ATP6V1E1: variants seen among roughly 807,000 people sequenced by gnomAD.
ATP6V1E1 encodes the protein V-type proton ATPase subunit E 1.
Under a neutral mutation model 35.2 loss-of-function variants are expected in ATP6V1E1, and 21 were observed. The observed-to-expected ratio is 0.60, with a 90% CI of 0.42 to 0.86. ATP6V1E1 has a LOEUF of 0.86. Among genes scored for constraint, ATP6V1E1 ranks in the 40% least tolerant of loss-of-function variants. The pLI is 0.00. For synonymous variants in ATP6V1E1, 83 were observed against 87.8 expected (o/e 0.95, Z 0.30); for missense variants, 183 against 272.6 (o/e 0.67, Z 2.32).
At chr22:17,628,488 G>A (rs2057937029) in intron 1 of ATP6V1E1, 115 bp downstream of exon 1, 2 of 1,418,632 alleles carry the variant, frequency 1.4e-6, no homozygotes, top group African/African-American at 1.4e-5. Context: ...CTTGGAGCAA[G>A]GGACCTTCCT....
chr22:17,606,029 G>A (rs4819611), intron 4 of ATP6V1E1, among the ~76,000 whole-genome samples: 52,716 of 151,744 alleles, frequency 0.35, 9,491 homozygotes, highest in African/African-American at 0.41. Flanking sequence ...TGCCTACTGA[G>A]CAGCTGGGAA....
intron 4 of ATP6V1E1, among the ~76,000 whole-genome samples, chr22:17,607,285 G>A (rs2057791691): frequency 6.6e-6 from 1 of 152,008 alleles, no homozygotes; most frequent in Non-Finnish European, 1.5e-5. Flanking sequence ...AGCCTCCCAA[G>A]TAGCTGGGAT....
chr22:17,619,615 G>A, intron 1 of ATP6V1E1, 89 bp from the exon 2 acceptor site: 2 of 1,159,934 alleles, frequency 1.7e-6, no homozygotes, highest in South Asian at 1.5e-5. Flanking sequence ...GGTAGGTGCA[G>A]TGGCTCACGC....
At chr22:17,621,732 C>A (rs1402231933) in intron 1 of ATP6V1E1, among the ~76,000 whole-genome samples, 1 of 152,220 alleles carries the variant, frequency 6.6e-6, no homozygotes, top group East Asian at 1.9e-4. Flanking sequence ...AGATTTCAAA[C>A]ATGCTGTTCC....
At chr22:17,598,107 G>A (rs986633153) in intron 7 of ATP6V1E1, 87 bp downstream of exon 7, 4 of 1,050,690 alleles carry the variant, frequency 3.8e-6, no homozygotes, top group African/African-American at 1.6e-5. Context: ...CGTTTAAATG[G>A]TGAAAATACC....
In ATP6V1E1 at chr22:17,592,615, T is replaced by C; in HGVS notation, c.*59A>G. The C allele has an allele frequency of 6.5e-7, 1 of 1,532,960 alleles. No individual in the cohort carries two copies. Among genetic ancestry groups the C allele is most frequent in the Non-Finnish European group, 9.0e-7 (1 of 1,106,584 alleles). The allele number at this position is 1,532,960 out of a possible 1,614,324, so 95.0% of individuals were successfully genotyped here. A position where few individuals can be genotyped will look rare whatever the true frequency, so the allele number is the denominator to read the frequency against. Reference sequence around the variant, plus strand: ...ACAGAGACATTCGTGTTTCTTCAAATATCAGAAGCTTCCACATCACAGCAG... The same window carrying C: ...ACAGAGACATTCGTGTTTCTTCAAACATCAGAAGCTTCCACATCACAGCAG... On this transcript the variant is annotated 3_prime_UTR_variant, in exon 9 of 9. Transcript: ENST00000253413.
At chr22:17,602,467 C>T (rs1445794756) in intron 4 of ATP6V1E1, among the ~76,000 whole-genome samples, 1 of 152,044 alleles carries the variant, frequency 6.6e-6, no homozygotes, top group Non-Finnish European at 1.5e-5. Context: ...CTCTGCCTCC[C>T]GGGTTCAAGC....
At chr22:17,598,618 G>T (rs1011344460) in intron 6 of ATP6V1E1, among the ~76,000 whole-genome samples, 2 of 152,156 alleles carry the variant, frequency 1.3e-5, no homozygotes, top group Non-Finnish European at 2.9e-5. Flanking sequence ...CTGGGGGTAG[G>T]TAAGGAGAGA....
intron 4 of ATP6V1E1, among the ~76,000 whole-genome samples, chr22:17,602,738 T>C (rs2057767994): frequency 6.6e-6 from 1 of 152,188 alleles, no homozygotes; most frequent in African/African-American, 2.4e-5. Context: ...ATAGTTTCTG[T>C]CTTTAGAAAC....
At position 17,616,654 on chromosome 22, in the gene ATP6V1E1, G is replaced by A. The variant is rs185480180; in HGVS notation, c.99+2807C>T. Among the ~76,000 whole-genome samples, 502 of 148,746 alleles carry A rather than the reference G, an allele frequency of 3.4e-3. 2 individuals are homozygous for A. Among genetic ancestry groups the A allele is most frequent in the African/African-American group, 0.012 (482 of 39,892 alleles). On this transcript the variant is annotated intron_variant, in intron 2 of 8. Coordinates refer to ENST00000253413, the MANE Select transcript of ATP6V1E1 (RefSeq NM_001696.4). ...AGATCGCGCCACTGCACTCCAGTCTGGGCAACAAGAATGAAACTCCGGCTC... is the reference window on the plus strand; with the variant it reads ...AGATCGCGCCACTGCACTCCAGTCTAGGCAACAAGAATGAAACTCCGGCTC...
chr22:17,621,780 C>T (rs1452956871), intron 1 of ATP6V1E1, among the ~76,000 whole-genome samples: 2 of 152,138 alleles, frequency 1.3e-5, no homozygotes, highest in African/African-American at 4.8e-5. Flanking sequence ...CTTTTTGGGC[C>T]TCAGCTTGTA....
At position 17,615,299 on chromosome 22, in the gene ATP6V1E1, C is replaced by CA. The variant is rs2057838132; in HGVS notation, c.100-1980dup. Among the ~76,000 whole-genome samples, 10 of 151,198 alleles carry CA rather than the reference C, an allele frequency of 6.6e-5. 1 individual carries two copies. In the South Asian group the frequency reaches 2.1e-3, roughly 32 times the overall value. ...CTGGGTGACAGAGCAAGACTCCATCCAAAAAAAATATTAATTTTTTTATAC... is the reference window on the plus strand; with the variant it reads ...CTGGGTGACAGAGCAAGACTCCATCCAAAAAAAAATATTAATTTTTTTATAC... On this transcript the variant is annotated intron_variant, in intron 2 of 8. Transcript: ENST00000253413.
chr22:17,620,180 C>T (rs2146315254), intron 1 of ATP6V1E1, among the ~76,000 whole-genome samples: 1 of 150,146 alleles, frequency 6.7e-6, no homozygotes, highest in East Asian at 2.0e-4. Context: ...CAGAGTCTCG[C>T]TCTGCCACCC....
Position 17,627,579 on chromosome 22 carries a change from G to A in ATP6V1E1, c.33+1024C>T, listed in dbSNP as rs182364959. ...CATGCCTGTAATCCCAGCACTTTGGGAGGCCCAGGTGGGAAGATCACCTGA... is the reference window on the plus strand; with the variant it reads ...CATGCCTGTAATCCCAGCACTTTGGAAGGCCCAGGTGGGAAGATCACCTGA... On this transcript the variant is annotated intron_variant, in intron 1 of 8. Transcript: ENST00000253413. Among the ~76,000 whole-genome samples, 77 of 151,546 alleles carry A rather than the reference G, an allele frequency of 5.1e-4. 1 individual carries two copies. Among genetic ancestry groups the A allele is most frequent in the Admixed American group, 1.4e-3 (21 of 15,240 alleles).
At chr22:17,597,115 G>A (rs868280145) in intron 7 of ATP6V1E1, among the ~76,000 whole-genome samples, 11 of 151,986 alleles carry the variant, frequency 7.2e-5, no homozygotes, top group South Asian at 2.1e-4. Context: ...GGTGGCAGGC[G>A]CCTGTAGTCC....
At chr22:17,616,242 G>C (rs932576901) in intron 2 of ATP6V1E1, among the ~76,000 whole-genome samples, 2 of 152,156 alleles carry the variant, frequency 1.3e-5, no homozygotes, top group Non-Finnish European at 2.9e-5. Flanking sequence ...CAGCTACTCA[G>C]GAGGCTAAAG....
chr22:17,607,364 G>T (rs950243053), intron 4 of ATP6V1E1, among the ~76,000 whole-genome samples: 1 of 151,972 alleles, frequency 6.6e-6, no homozygotes, highest in Admixed American at 6.6e-5. Context: ...CACCATGTTT[G>T]CCAGGATGAT....
intron 8 of ATP6V1E1, 89 bp from the exon 9 acceptor site, chr22:17,592,825 CG>C (rs1348521968): frequency 2.7e-6 from 3 of 1,099,166 alleles, no homozygotes; most frequent in African/African-American, 3.8e-5. Context: ...TTTTTTGAGA[CG>C]GAGTCTCGCT....
At chr22:17,618,981 C>T (rs776512365) in intron 2 of ATP6V1E1, 275 of 452,960 alleles carry the variant, frequency 6.1e-4, no homozygotes, top group Non-Finnish European at 9.4e-4. Flanking sequence ...GTCCCAGTGA[C>T]GAAGCGAGAC....
Sources: gnomAD v4.1 joint callset for allele counts (sites outside exome capture counted in the v4.1 genomes callset) on GRCh38, gnomAD v4.1.1 for gene constraint, MANE v1.5 for transcripts, NCBI Gene and HGNC (gene_info 2026-07-23, HGNC 2026-07-21) for gene names.